PPM1E: variants seen among roughly 807,000 people sequenced by gnomAD.
PPM1E encodes protein phosphatase 1E.
A neutral mutation model predicts 65.9 loss-of-function variants in PPM1E; 20 were observed. The observed-to-expected ratio is 0.30, with a 90% CI of 0.21 to 0.44. The LOEUF (loss-of-function observed/expected upper bound fraction) is 0.44, where lower values mean the gene tolerates loss of function less well. Among genes scored for constraint, PPM1E ranks in the 20% least tolerant of loss-of-function variants. The pLI, the probability that PPM1E is intolerant of heterozygous loss-of-function variation, is 1.00. For missense variants in PPM1E, 713 were observed against 953.1 expected (o/e 0.75, Z 3.32); for synonymous variants, 352 against 374.9 (o/e 0.94, Z 0.70).
At chr17:58,836,735 T>C (rs2050661258) in intron 1 of PPM1E, among the ~76,000 whole-genome samples, 1 of 149,448 alleles carries the variant, frequency 6.7e-6, no homozygotes, top group South Asian at 2.2e-4. Flanking sequence ...AGTGCCAGGA[T>C]TATTGGCCGG....
At chr17:58,771,897 G>A (rs1383109170) in intron 1 of PPM1E, among the ~76,000 whole-genome samples, 1 of 152,118 alleles carries the variant, frequency 6.6e-6, no homozygotes, top group East Asian at 1.9e-4. Context: ...GAAGTGTGCA[G>A]TTTAGAGGAA....
chr17:58,898,217 A>G (rs1379010476), intron 1 of PPM1E, among the ~76,000 whole-genome samples: 2 of 151,066 alleles, frequency 1.3e-5, no homozygotes, highest in Non-Finnish European at 2.9e-5. Flanking sequence ...GTGCCACTGC[A>G]CTCCAGCCTG....
chr17:58,770,931 G>A (rs1345451919), intron 1 of PPM1E, among the ~76,000 whole-genome samples: 1 of 150,702 alleles, frequency 6.6e-6, no homozygotes, highest in Non-Finnish European at 1.5e-5. Flanking sequence ...ATCTCGGCAC[G>A]CTGCAGCCTC....
At chr17:58,874,827 T>C (rs537651000) in intron 1 of PPM1E, among the ~76,000 whole-genome samples, 1 of 152,320 alleles carries the variant, frequency 6.6e-6, no homozygotes, top group African/African-American at 2.4e-5. Flanking sequence ...TGATGAATAT[T>C]ATATTTAAGT....
intron 1 of PPM1E, among the ~76,000 whole-genome samples, chr17:58,888,136 C>T (rs1249509807): frequency 6.6e-6 from 1 of 151,962 alleles, no homozygotes; most frequent in African/African-American, 2.4e-5. Context: ...ATTACCTGTT[C>T]AAGTGGAAAT....
chr17:58,828,797 C>A (rs1021652256), intron 1 of PPM1E, among the ~76,000 whole-genome samples: 1 of 151,970 alleles, frequency 6.6e-6, no homozygotes, highest in Non-Finnish European at 1.5e-5. Flanking sequence ...TGGGATTTAC[C>A]TGTCTCTAAA....
intron 1 of PPM1E, among the ~76,000 whole-genome samples, chr17:58,825,643 A>C (rs1436634471): frequency 2.0e-5 from 3 of 151,364 alleles, no homozygotes; most frequent in Admixed American, 2.0e-4. Flanking sequence ...TGCAACCTTC[A>C]CCTCCTGGGT....
intron 1 of PPM1E, among the ~76,000 whole-genome samples, chr17:58,808,912 G>A (rs1423011692): frequency 6.6e-6 from 1 of 151,828 alleles, no homozygotes; most frequent in Non-Finnish European, 1.5e-5. Flanking sequence ...ACACAAAGTT[G>A]ACAAAATAGA....
chr17:58,756,533 G>T, intron 1 of PPM1E, 72 bp downstream of exon 1: 2 of 1,254,058 alleles, frequency 1.6e-6, no homozygotes, highest in Non-Finnish European at 2.0e-6. Flanking sequence ...CGGCTCCCTC[G>T]GCCCCTCAAA....
At chr17:58,858,549 G>A (rs1334184819) in intron 1 of PPM1E, among the ~76,000 whole-genome samples, 1 of 150,776 alleles carries the variant, frequency 6.6e-6, no homozygotes, top group Non-Finnish European at 1.5e-5. Context: ...CTCCAAATAT[G>A]AGTGAGTATA....
intron 1 of PPM1E, among the ~76,000 whole-genome samples, chr17:58,916,819 G>A (rs1376010333): frequency 1.3e-5 from 2 of 152,094 alleles, no homozygotes; most frequent in Non-Finnish European, 2.9e-5. Flanking sequence ...GATAGTATAT[G>A]GGAAAACCAT....
chr17:58,819,049 T>C (rs538217594), intron 1 of PPM1E, among the ~76,000 whole-genome samples: 1 of 152,326 alleles, frequency 6.6e-6, no homozygotes, highest in East Asian at 1.9e-4. Context: ...ATATTGTTTC[T>C]CTTTATAAAT....
At chr17:58,848,904 G>C (rs1676654952) in intron 1 of PPM1E, among the ~76,000 whole-genome samples, 1 of 152,096 alleles carries the variant, frequency 6.6e-6, no homozygotes, top group Non-Finnish European at 1.5e-5. Flanking sequence ...ATCTGGTCCT[G>C]GACTTTTTTT....
intron 1 of PPM1E, among the ~76,000 whole-genome samples, chr17:58,861,976 A>G (rs2050947688): frequency 6.6e-6 from 1 of 151,658 alleles, no homozygotes. Context: ...ATAGACAAAG[A>G]CTCCTGGTTG....
At chr17:58,878,885 C>A (rs2051157821) in intron 1 of PPM1E, among the ~76,000 whole-genome samples, 1 of 146,992 alleles carries the variant, frequency 6.8e-6, no homozygotes, top group Non-Finnish European at 1.5e-5. Context: ...GCCTGGGCAA[C>A]AAGAGCGAAA....
chr17:58,812,583 A>T (rs2050379644), intron 1 of PPM1E, among the ~76,000 whole-genome samples: 1 of 152,064 alleles, frequency 6.6e-6, no homozygotes, highest in African/African-American at 2.4e-5. Flanking sequence ...TTTTTTTGAG[A>T]TGGAGTCATG....
chr17:58,757,286 G>A (rs2049778181), intron 1 of PPM1E, among the ~76,000 whole-genome samples: 1 of 152,184 alleles, frequency 6.6e-6, no homozygotes, highest in African/African-American at 2.4e-5. Flanking sequence ...TAAGTAGATG[G>A]GATGGGGTGG....
intron 1 of PPM1E, among the ~76,000 whole-genome samples, chr17:58,785,024 T>A (rs2050085549): frequency 6.6e-6 from 1 of 152,230 alleles, no homozygotes; most frequent in African/African-American, 2.4e-5. Flanking sequence ...ATTTTTTCTT[T>A]TGTCACATGT....
At chr17:58,826,316 A>G (rs193247586) in intron 1 of PPM1E, among the ~76,000 whole-genome samples, 2,045 of 151,892 alleles carry the variant, frequency 0.013, 29 homozygotes, top group Non-Finnish European at 0.022. Flanking sequence ...AAAAAAAAAA[A>G]AAAAAGAAAA....
Sources: gnomAD v4.1 joint callset for allele counts (sites outside exome capture counted in the v4.1 genomes callset) on GRCh38, gnomAD v4.1.1 for gene constraint, MANE v1.5 for transcripts, NCBI Gene and HGNC (gene_info 2026-07-23, HGNC 2026-07-21) for gene names.